Variants in ACACA observed in about 807,000 individuals in gnomAD.
ACACA encodes the protein acetyl-CoA carboxylase 1.
A neutral mutation model predicts 296.1 loss-of-function variants in ACACA; 103 were observed. The ratio of observed to expected loss-of-function variants is 0.35; its 90% CI spans 0.30 to 0.41. The LOEUF (loss-of-function observed/expected upper bound fraction) is 0.41, where lower values mean the gene tolerates loss of function less well. Among genes scored for constraint, ACACA ranks in the 10% least tolerant of loss-of-function variants. The pLI, the probability that ACACA is intolerant of heterozygous loss-of-function variation, is 1.00. For missense variants in ACACA, 1,554 were observed against 2,989.7 expected, an observed-to-expected ratio of 0.52 and a Z score of 11.20; for synonymous variants, 953 against 1,038.6, an observed-to-expected ratio of 0.92 and a Z score of 1.58.
At chr17:37,226,001 T>C (rs1368448895) in intron 26 of ACACA, among the ~76,000 whole-genome samples, 1 of 152,228 alleles carries the variant, frequency 6.6e-6, no homozygotes, top group Non-Finnish European at 1.5e-5. Context: ...AAGCTCCCTT[T>C]GGGAAGTAAG....
chr17:37,089,526 C>G (rs564370968), intron 54 of ACACA, among the ~76,000 whole-genome samples: 1 of 152,336 alleles, frequency 6.6e-6, no homozygotes, highest in Non-Finnish European at 1.5e-5. Flanking sequence ...GTATAAGTCT[C>G]TAGCCTCAGT....
chr17:37,364,572 CAG>C (rs941568340), intron 1 of ACACA, among the ~76,000 whole-genome samples: 1 of 130,424 alleles, frequency 7.7e-6, no homozygotes, highest in African/African-American at 3.3e-5. Context: ...GCCTGGGAGA[CAG>C]AGAGAGACTC....
At position 37,274,178 on chromosome 17, in the gene ACACA, G is replaced by C; in HGVS notation, c.1008+15C>G. The C allele has an allele frequency of 6.3e-7, 1 of 1,599,274 alleles. No individual in the cohort carries two copies. The highest frequency in any genetic ancestry group is 8.6e-7 in the Non-Finnish European group (1 of 1,166,600). ...GTCAGCTGAAAGGTATCACTCCCTGGAGTTAGTAACCTACCTGTAGCCCAT... is the reference window on the plus strand; with the variant it reads ...GTCAGCTGAAAGGTATCACTCCCTGCAGTTAGTAACCTACCTGTAGCCCAT... On this transcript the variant is annotated intron_variant, in intron 9 of 55. Coordinates refer to ENST00000616317, the MANE Select transcript of ACACA (RefSeq NM_198834.3).
chr17:37,379,211 G>A, intron 1 of ACACA: 1 of 1,613,998 alleles, frequency 6.2e-7, no homozygotes, highest in Non-Finnish European at 8.5e-7. Flanking sequence ...CCTTGGCTCT[G>A]ACAGCAAAGT....
At chr17:37,348,424 C>T (rs115464052) in intron 1 of ACACA, among the ~76,000 whole-genome samples, 341 of 152,204 alleles carry the variant, frequency 2.2e-3, no homozygotes, top group African/African-American at 7.9e-3. Flanking sequence ...ATCCTACAAG[C>T]TTCCTGAGAG....
chr17:37,349,976 T>A (rs554759151), intron 1 of ACACA, among the ~76,000 whole-genome samples: 2 of 152,200 alleles, frequency 1.3e-5, no homozygotes, highest in Admixed American at 6.5e-5. Flanking sequence ...AAAACTGACA[T>A]CCTTGTATGA....
rs752239960 is a variant in ACACA at position 37,339,815 on chromosome 17, C to A, written c.74G>T (p.Arg25Ile). Residue 25 changes from arginine to isoleucine, a missense_variant, in exon 2 of 56, where the codon AGA becomes ATA. By Grantham distance (97) the Arg-to-Ile change is moderately conservative. Coordinates refer to ENST00000616317, the MANE Select transcript of ACACA (RefSeq NM_198834.3). Reference sequence around the variant, plus strand: ...TATTTGTAACTGACCTCTTATAATTCTTACTGTCTGAGTAGATATCCACTT... The same window carrying A: ...TATTTGTAACTGACCTCTTATAATTATTACTGTCTGAGTAGATATCCACTT... ...FWKWISTQTV[R>I]IIRAVRAHFG... 1 of 1,381,968 alleles carries A rather than the reference C, an allele frequency of 7.2e-7. No individual in the cohort carries two copies. The highest frequency in any genetic ancestry group is 1.0e-6 in the Non-Finnish European group (1 of 976,006). The allele number at this position is 1,381,968 out of a possible 1,614,324, so 85.6% of individuals were successfully genotyped here. A position where few individuals can be genotyped will look rare whatever the true frequency, so the allele number is the denominator to read the frequency against.
Position 37,270,769 on chromosome 17 carries a change from G to T in ACACA, c.1101C>A (p.Phe367Leu). 1 of 1,612,834 alleles carries T rather than the reference G, an allele frequency of 6.2e-7. No homozygotes were observed. Reference protein sequence around the residue: ...GIRKVNNADDFPNLFRQVQAE... With the variant: ...GIRKVNNADDLPNLFRQVQAE... ...ACTCTACCTGTCTGAAGAGATTAGG[G>T]AAGTCATCTGCATTGTTGACTTTTC... Residue 367 changes from phenylalanine to leucine, a missense_variant, in exon 10 of 56, where the codon TTC becomes TTA. By Grantham distance (22) the Phe-to-Leu change is conservative. This residue lies in a region of ACACA where 82 missense variants were observed against 185.2 expected (regional missense o/e 0.44). Coordinates refer to ENST00000616317, the MANE Select transcript of ACACA (RefSeq NM_198834.3).
intron 48 of ACACA, among the ~76,000 whole-genome samples, chr17:37,123,262 G>A (rs1288650971): frequency 6.6e-6 from 1 of 152,128 alleles, no homozygotes; most frequent in Non-Finnish European, 1.5e-5. Context: ...CCTTGGAAAA[G>A]ACAAATGGGA....
chr17:37,259,349 G>A lies in ACACA; in HGVS notation c.1500+11C>T, dbSNP rs1598336511. Reference sequence around the variant, plus strand: ...TTTCTAGGCTCTGCAACCCAGATCAGGGAGACTCACCTGGAGCTGTGCTGC... The same window carrying A: ...TTTCTAGGCTCTGCAACCCAGATCAAGGAGACTCACCTGGAGCTGTGCTGC... On this transcript the variant is annotated intron_variant, in intron 12 of 55. Transcript: ENST00000616317. 1.2e-6 allele frequency: 2 copies of A among 1,614,014 alleles called. No homozygotes were observed. Among genetic ancestry groups the A allele is most frequent in the Middle Eastern group, 3.3e-4 (2 of 6,014 alleles).
chr17:37,156,616 C>T (rs1420522807), intron 42 of ACACA, among the ~76,000 whole-genome samples: 1 of 152,136 alleles, frequency 6.6e-6, no homozygotes, highest in East Asian at 1.9e-4. Flanking sequence ...TTTCAATAAA[C>T]AACTCCTAAT....
At chr17:37,389,325 G>A (rs1426729128) in intron 1 of ACACA, 2 of 1,594,692 alleles carry the variant, frequency 1.3e-6, no homozygotes, top group African/African-American at 2.7e-5. Context: ...CAGCCACCTG[G>A]GACAGCTGAA....
intron 1 of ACACA, among the ~76,000 whole-genome samples, chr17:37,366,150 C>A (rs147856804): frequency 6.6e-6 from 1 of 152,120 alleles, no homozygotes; most frequent in Non-Finnish European, 1.5e-5. Context: ...AAAGCCATGA[C>A]GGTGCTCCTG....
At chr17:37,264,434 C>T (rs546586694) in intron 10 of ACACA, among the ~76,000 whole-genome samples, 46 of 152,272 alleles carry the variant, frequency 3.0e-4, no homozygotes, top group Non-Finnish European at 4.1e-4. Flanking sequence ...TACTGAGATG[C>T]CAACTGTCAA....
chr17:37,111,514 A>G lies in ACACA; in HGVS notation c.6565+17T>C. The G allele has an allele frequency of 6.3e-7, 1 of 1,593,126 alleles. No homozygotes were observed. Among genetic ancestry groups the G allele is most frequent in the Non-Finnish European group, 8.6e-7 (1 of 1,160,820 alleles). On this transcript the variant is annotated intron_variant, in intron 52 of 55. Coordinates refer to ENST00000616317, the MANE Select transcript of ACACA (RefSeq NM_198834.3). ...CTGAATGGCTCATTGATTTGCCAGA[A>G]GGACAAGCAGACATACCCAATCGCT...
At chr17:37,201,630 A>G (rs935210894) in intron 33 of ACACA, among the ~76,000 whole-genome samples, 3 of 152,140 alleles carry the variant, frequency 2.0e-5, no homozygotes, top group African/African-American at 7.2e-5. Context: ...TATAACAGCA[A>G]GCAGAAAAGC....
chr17:37,341,970 G>A (rs1348203221), intron 1 of ACACA, among the ~76,000 whole-genome samples: 1 of 152,092 alleles, frequency 6.6e-6, no homozygotes, highest in Non-Finnish European at 1.5e-5. Flanking sequence ...TAAAAAAGAA[G>A]CTGACCTTTG....
rs375271127 is a variant in ACACA, at chr17:37,311,667, G to T, written c.338+18506C>A. 2.6e-5 allele frequency among the ~76,000 whole-genome samples: 4 copies of T among 152,088 alleles called. No homozygotes were observed. The East Asian group carries it at 5.8e-4, about 22-fold the overall frequency. ...AAATTACTGTTGCAGAAAATGGAAGGCCAAATTACCAGAAGAGAAAAACAA... is the reference window on the plus strand; with the variant it reads ...AAATTACTGTTGCAGAAAATGGAAGTCCAAATTACCAGAAGAGAAAAACAA... On this transcript the variant is annotated intron_variant, in intron 3 of 55. Coordinates refer to ENST00000616317, the MANE Select transcript of ACACA (RefSeq NM_198834.3).
chr17:37,227,308 A>G (rs1348594048), intron 25 of ACACA, among the ~76,000 whole-genome samples: 1 of 152,236 alleles, frequency 6.6e-6, no homozygotes, highest in Non-Finnish European at 1.5e-5. Flanking sequence ...CAGTTTTTAT[A>G]AATGTCTGTC....
Sources: allele counts gnomAD v4.1 joint callset (sites outside exome capture counted in the v4.1 genomes callset), GRCh38; gene constraint gnomAD v4.1.1; regional missense constraint gnomAD v4.1.1; transcripts MANE v1.5; gene names NCBI Gene and HGNC (gene_info 2026-07-23, HGNC 2026-07-21).